SMIM35: variants seen among roughly 807,000 people sequenced by gnomAD.
The protein encoded by SMIM35 is small integral membrane protein 35.
intron 1 of SMIM35, among the ~76,000 whole-genome samples, chr11:118,040,103 T>C (rs1430475870): frequency 6.7e-6 from 1 of 149,680 alleles, no homozygotes; most frequent in Non-Finnish European, 1.5e-5. Flanking sequence ...GTAATCCCAC[T>C]TACTTGGAAA....
At chr11:118,012,315 G>A (rs2058154572) in intron 4 of SMIM35, among the ~76,000 whole-genome samples, 1 of 152,214 alleles carries the variant, frequency 6.6e-6, no homozygotes. Context: ...TGCACACTCT[G>A]CCTCCAGTCC....
chr11:118,050,066 G>A (rs1025319410), intron 1 of SMIM35, among the ~76,000 whole-genome samples: 6 of 152,164 alleles, frequency 3.9e-5, no homozygotes, highest in Non-Finnish European at 7.3e-5. Context: ...ATGAGCACAG[G>A]GCTTGCCTTC....
intron 1 of SMIM35, among the ~76,000 whole-genome samples, chr11:118,040,044 C>CAA (rs35273108): frequency 0.17 from 17,660 of 101,930 alleles, 1,423 homozygotes; most frequent in East Asian, 0.36. Flanking sequence ...GACCTTATCT[C>CAA]AAAAAAAAAA....
intron 2 of SMIM35, 73 bp downstream of exon 2, chr11:118,015,620 C>T (rs1452016876): frequency 7.5e-6 from 3 of 399,124 alleles, no homozygotes; most frequent in South Asian, 2.6e-4. Context: ...GCAGCCCTGC[C>T]GGGCATTGCC....
chr11:118,078,461 G>T (rs557602756), intron 1 of SMIM35, among the ~76,000 whole-genome samples: 1 of 152,264 alleles, frequency 6.6e-6, no homozygotes, highest in Non-Finnish European at 1.5e-5. Flanking sequence ...GAAAATTCTG[G>T]CAAGAACAAT....
chr11:118,044,474 T>C (rs562880621), intron 1 of SMIM35, among the ~76,000 whole-genome samples: 7 of 152,200 alleles, frequency 4.6e-5, no homozygotes, highest in African/African-American at 1.7e-4. Flanking sequence ...TAAATCATGA[T>C]TTCTCTCCAG....
At chr11:118,015,213 C>T (rs2058173196) in intron 2 of SMIM35, among the ~76,000 whole-genome samples, 1 of 152,220 alleles carries the variant, frequency 6.6e-6, no homozygotes, top group East Asian at 1.9e-4. Flanking sequence ...TTCCAGTTTT[C>T]CCAGATACCA....
intron 1 of SMIM35, among the ~76,000 whole-genome samples, chr11:118,064,843 C>G (rs185077391): frequency 2.6e-5 from 4 of 152,280 alleles, no homozygotes; most frequent in African/African-American, 4.8e-5. Context: ...TAGGGTTTCG[C>G]TATATCACCC....
At chr11:118,027,221 G>A (rs2058282154) in intron 1 of SMIM35, among the ~76,000 whole-genome samples, 1 of 147,464 alleles carries the variant, frequency 6.8e-6, no homozygotes. Context: ...TAGAGACGGG[G>A]TTTCACCTTG....
intron 1 of SMIM35, among the ~76,000 whole-genome samples, chr11:118,074,017 T>G (rs1944614485): frequency 6.6e-6 from 1 of 152,192 alleles, no homozygotes; most frequent in Non-Finnish European, 1.5e-5. Context: ...GTCACCTGTA[T>G]GGGACCAGCC....
rs1334514503 is a variant in SMIM35, at chr11:118,043,891, G to C, written c.8-28082C>G. ...AAGGAGGGGGTTATCTTAGCTAAAG[G>C]GTATGGGTTTTTTTTTTAGGCGATG... On this transcript the variant is annotated intron_variant, in intron 1 of 4. Coordinates refer to ENST00000689828, the MANE Select transcript of SMIM35 (RefSeq NM_001394165.1). Among the ~76,000 whole-genome samples, 4 of 151,500 alleles carry C rather than the reference G, an allele frequency of 2.6e-5. No homozygotes were observed. The South Asian group carries it at 6.2e-4, about 24-fold the overall frequency.
chr11:118,009,298 A>G (rs1482440715), intron 4 of SMIM35, among the ~76,000 whole-genome samples: 1 of 152,172 alleles, frequency 6.6e-6, no homozygotes, highest in Non-Finnish European at 1.5e-5. Flanking sequence ...GCCAGTTTGG[A>G]CTGAGGCTAG....
intron 1 of SMIM35, among the ~76,000 whole-genome samples, chr11:118,049,717 A>G (rs945015752): frequency 2.0e-5 from 3 of 152,186 alleles, no homozygotes; most frequent in Non-Finnish European, 4.4e-5. Flanking sequence ...TTGAGTATAA[A>G]TACAAATATA....
chr11:118,057,357 G>A (rs1009915041), intron 1 of SMIM35, among the ~76,000 whole-genome samples: 12 of 152,206 alleles, frequency 7.9e-5, no homozygotes, highest in Admixed American at 2.0e-4. Flanking sequence ...CCTCTGTGCA[G>A]TAGGAGGTCA....
intron 1 of SMIM35, among the ~76,000 whole-genome samples, chr11:118,078,721 G>C (rs1352274510): frequency 6.6e-6 from 1 of 152,110 alleles, no homozygotes; most frequent in East Asian, 1.9e-4. Context: ...ACAGAGAAGG[G>C]AATCATTTCT....
At chr11:118,007,577 G>T (rs2058128665) in intron 4 of SMIM35, among the ~76,000 whole-genome samples, 1 of 152,152 alleles carries the variant, frequency 6.6e-6, no homozygotes, top group South Asian at 2.1e-4. Context: ...TGTATTTTTA[G>T]TAGAGACAGG....
chr11:118,077,740 A>G (rs1443620827), intron 1 of SMIM35, among the ~76,000 whole-genome samples: 1 of 151,824 alleles, frequency 6.6e-6, no homozygotes, highest in African/African-American at 2.4e-5. Context: ...GACTGGGTGC[A>G]GTGGCTCACG....
chr11:118,038,868 ATGATACTTAGACAATAAAAATG>A (rs1206911702), intron 1 of SMIM35, among the ~76,000 whole-genome samples: 1 of 152,220 alleles, frequency 6.6e-6, no homozygotes, highest in Non-Finnish European at 1.5e-5. Context: ...AGGGTAGAGC[ATGATACTTAGACAATAAAAATG>A]TGAAAGATTC....
At chr11:118,086,597 G>C (rs988590070) in intron 1 of SMIM35, among the ~76,000 whole-genome samples, 154 bp downstream of exon 1, 2 of 152,312 alleles carry the variant, frequency 1.3e-5, no homozygotes, top group Admixed American at 6.5e-5. Context: ...TAACAGGTGC[G>C]ATCCCAGGAT....
Sources: gnomAD v4.1 joint callset for allele counts (sites outside exome capture counted in the v4.1 genomes callset) on GRCh38, gnomAD v4.1.1 for gene constraint, MANE v1.5 for transcripts, NCBI Gene and HGNC (gene_info 2026-07-23, HGNC 2026-07-21) for gene names.